The following SLC12A8 variants were observed in gnomAD, a reference collection of about 807,000 sequenced individuals.
SLC12A8 encodes cation-chloride cotransporter 9.
A neutral mutation model predicts 75.6 loss-of-function variants in SLC12A8; 69 were observed. The ratio of observed to expected loss-of-function variants is 0.91; its 90% CI spans 0.75 to 1.11. The LOEUF (loss-of-function observed/expected upper bound fraction) is 1.11. Among genes scored for constraint, SLC12A8 ranks in the 50% most tolerant of loss-of-function variants. The probability of loss-of-function intolerance (pLI) is 0.00; values close to 1 mark genes in which losing one functional copy is unlikely to be tolerated. For synonymous variants in SLC12A8, 365 were observed against 372.8 expected, an observed-to-expected ratio of 0.98 and a Z score of 0.24; for missense variants, 877 against 896.7, an observed-to-expected ratio of 0.98 and a Z score of 0.28.
chr3:125,128,250 G>A (rs1197843317), intron 6 of SLC12A8, among the ~76,000 whole-genome samples: 3 of 136,568 alleles, frequency 2.2e-5, no homozygotes, highest in South Asian at 4.9e-4. Context: ...GCGGGATCTC[G>A]GCTCACTGCA....
intron 5 of SLC12A8, among the ~76,000 whole-genome samples, chr3:125,156,282 C>G (rs1006324726): frequency 1.4e-4 from 21 of 152,174 alleles, no homozygotes; most frequent in African/African-American, 5.1e-4. Flanking sequence ...CAAGGTTCAC[C>G]AGAGGAAGTG....
chr3:125,115,152 C>T (rs745598310), intron 8 of SLC12A8, among the ~76,000 whole-genome samples: 7 of 152,148 alleles, frequency 4.6e-5, no homozygotes, highest in Non-Finnish European at 1.0e-4. Flanking sequence ...TCAGAGCCAC[C>T]ACTGTATACA....
chr3:125,189,943 C>A (rs1367564911), intron 3 of SLC12A8, among the ~76,000 whole-genome samples: 1 of 152,172 alleles, frequency 6.6e-6, no homozygotes, highest in African/African-American at 2.4e-5. Flanking sequence ...ACACCTCTGA[C>A]CAAGCATCCC....
At chr3:125,172,385 A>G (rs1934422889) in intron 5 of SLC12A8, among the ~76,000 whole-genome samples, 1 of 151,644 alleles carries the variant, frequency 6.6e-6, no homozygotes, top group Non-Finnish European at 1.5e-5. Flanking sequence ...GAAGTCAGTT[A>G]CCCCTTGTCT....
intron 10 of SLC12A8, among the ~76,000 whole-genome samples, chr3:125,101,957 T>C (rs548046393): frequency 1.6e-4 from 24 of 152,304 alleles, no homozygotes; most frequent in Non-Finnish European, 2.6e-4. Context: ...AAAGACATAG[T>C]TTGAAAACAA....
At chr3:125,127,544 G>T (rs1402085174) in intron 6 of SLC12A8, among the ~76,000 whole-genome samples, 1 of 152,196 alleles carries the variant, frequency 6.6e-6, no homozygotes, top group African/African-American at 2.4e-5. Context: ...CATGCGGCCT[G>T]AAATTTTTTT....
chr3:125,091,601 A>G (rs747612170), intron 11 of SLC12A8, 45 bp from the exon 12 acceptor site: 2 of 1,323,544 alleles, frequency 1.5e-6, no homozygotes, highest in East Asian at 2.3e-5. Flanking sequence ...ATGGCTTTCT[A>G]CATGGTAAGC....
chr3:125,121,272 G>A (rs866353836), intron 6 of SLC12A8, among the ~76,000 whole-genome samples: 3 of 152,348 alleles, frequency 2.0e-5, no homozygotes, highest in South Asian at 2.1e-4. Flanking sequence ...TAATGAAAAT[G>A]AATTAATCCA....
At chr3:125,169,651 C>T (rs1056995338) in intron 5 of SLC12A8, among the ~76,000 whole-genome samples, 1 of 152,130 alleles carries the variant, frequency 6.6e-6, no homozygotes, top group East Asian at 1.9e-4. Flanking sequence ...CTGATGCAGC[C>T]GGGCATGTCC....
intron 5 of SLC12A8, among the ~76,000 whole-genome samples, chr3:125,145,523 C>T (rs1267202231): frequency 6.6e-6 from 1 of 152,198 alleles, no homozygotes; most frequent in East Asian, 1.9e-4. Context: ...TTGAAGACCT[C>T]ATGCTAAGTG....
chr3:125,133,570 T>G (rs752695301), intron 6 of SLC12A8, among the ~76,000 whole-genome samples: 1 of 151,730 alleles, frequency 6.6e-6, no homozygotes, highest in Non-Finnish European at 1.5e-5. Flanking sequence ...GGACTACAGG[T>G]GCATGCCACC....
chr3:125,110,109 T>C (rs1239074824), intron 9 of SLC12A8, 80 bp downstream of exon 9: 3 of 1,448,128 alleles, frequency 2.1e-6, no homozygotes, highest in Non-Finnish European at 2.8e-6. Flanking sequence ...TCAGAAAAGC[T>C]TAACCAATTG....
At chr3:125,130,430 A>G (rs1933322873) in intron 6 of SLC12A8, among the ~76,000 whole-genome samples, 1 of 151,900 alleles carries the variant, frequency 6.6e-6, no homozygotes, top group Non-Finnish European at 1.5e-5. Context: ...CATCTCTACT[A>G]AAAATACAAA....
chr3:125,169,348 G>A (rs772323478), intron 5 of SLC12A8, among the ~76,000 whole-genome samples: 5 of 152,158 alleles, frequency 3.3e-5, no homozygotes, highest in Admixed American at 6.5e-5. Context: ...GCTTGTTTTT[G>A]GAAGGATGGG....
intron 5 of SLC12A8, among the ~76,000 whole-genome samples, chr3:125,169,779 C>T (rs2107783207): frequency 6.6e-6 from 1 of 152,278 alleles, no homozygotes; most frequent in Non-Finnish European, 1.5e-5. Flanking sequence ...ACCAATCACC[C>T]TACTGTGATG....
intron 10 of SLC12A8, among the ~76,000 whole-genome samples, chr3:125,095,595 A>T (rs1241266957): frequency 6.6e-6 from 1 of 152,228 alleles, no homozygotes; most frequent in Non-Finnish European, 1.5e-5. Context: ...TGTGAACAGA[A>T]GCAGTGAGTG....
chr3:125,196,551 A>G (rs1935011726), intron 2 of SLC12A8, among the ~76,000 whole-genome samples: 1 of 152,248 alleles, frequency 6.6e-6, no homozygotes, highest in Non-Finnish European at 1.5e-5. Flanking sequence ...ACGTATTAGT[A>G]TGAATTTATG....
intron 13 of SLC12A8, among the ~76,000 whole-genome samples, chr3:125,085,188 G>A (rs140544515): frequency 6.6e-6 from 1 of 152,288 alleles, no homozygotes; most frequent in Non-Finnish European, 1.5e-5. Flanking sequence ...TTTAGGAGGT[G>A]ACAAAAATGT....
At chr3:125,198,871 G>A (rs185188382) in intron 2 of SLC12A8, among the ~76,000 whole-genome samples, 90 of 150,960 alleles carry the variant, frequency 6.0e-4, no homozygotes, top group Middle Eastern at 6.8e-3. Flanking sequence ...TCCACCTCTC[G>A]AGTTCATGCC....
Sources: allele counts gnomAD v4.1 joint callset (sites outside exome capture counted in the v4.1 genomes callset), GRCh38; gene constraint gnomAD v4.1.1; transcripts MANE v1.5; gene names NCBI Gene and HGNC (gene_info 2026-07-23, HGNC 2026-07-21).